SH2D4B: variants seen among roughly 807,000 people sequenced by gnomAD.
SH2D4B encodes SH2 domain containing 4B.
A neutral mutation model predicts 61.5 loss-of-function variants in SH2D4B; 45 were observed. The observed-to-expected ratio is 0.73, with a 90% CI of 0.58 to 0.94. SH2D4B has a LOEUF of 0.94. Ranked by LOEUF, SH2D4B falls within the 40% of genes least tolerant of loss-of-function variation. The probability of loss-of-function intolerance (pLI) is 0.00; values close to 1 mark genes in which losing one functional copy is unlikely to be tolerated. For synonymous variants in SH2D4B, 224 were observed against 220.4 expected, an observed-to-expected ratio of 1.02 and a Z score of -0.14; for missense variants, 572 against 574.2, an observed-to-expected ratio of 1.00 and a Z score of 0.04.
At chr10:80,613,269 AAAC>A (rs1842623745) in intron 6 of SH2D4B, among the ~76,000 whole-genome samples, 1 of 152,240 alleles carries the variant, frequency 6.6e-6, no homozygotes, top group South Asian at 2.1e-4. Flanking sequence ...TAGTTATATC[AAAC>A]TACTTGTGAG....
chr10:80,603,560 G>A lies in SH2D4B; in HGVS notation c.644-19G>A. 1 of 1,522,182 alleles carries A rather than the reference G, an allele frequency of 6.6e-7. No individual in the cohort carries two copies. 94.3% of individuals were successfully genotyped at this position (1,522,182 alleles called of 1,614,324 possible). On this transcript the variant is annotated intron_variant, in intron 4 of 7. Coordinates refer to ENST00000646907, the MANE Select transcript of SH2D4B (RefSeq NM_001388272.1). ...CTGGGCTGCGGATCTGGGCTAACGT[G>A]CTGTCTTCCTCTTTCCAGTGCGCCG...
chr10:80,538,218 C>G lies in SH2D4B; in HGVS notation c.-114C>G, dbSNP rs1302295395. 5 of 893,392 alleles carry G rather than the reference C, an allele frequency of 5.6e-6. No individual in the cohort carries two copies. The East Asian group carries it at 1.0e-4, about 18-fold the overall frequency. 55.3% of individuals were successfully genotyped at this position (893,392 alleles called of 1,614,324 possible). ...ACAATGCTGCACAGAGAAGGGGCAC[C>G]GAGAGTGGCCCCGGATTGAGCAGTC... On this transcript the variant is annotated 5_prime_UTR_variant, in exon 1 of 8. Transcript: ENST00000646907. The surrounding 1 kb of genome is among the most constrained non-coding windows in gnomAD (Gnocchi z 4.8).
At chr10:80,543,505 T>C (rs1841614939) in intron 1 of SH2D4B, among the ~76,000 whole-genome samples, 1 of 152,170 alleles carries the variant, frequency 6.6e-6, no homozygotes, top group African/African-American at 2.4e-5. Flanking sequence ...CCTGCCTCCG[T>C]GGGCTCCTGT....
intron 1 of SH2D4B, among the ~76,000 whole-genome samples, chr10:80,558,894 A>G (rs761707478): frequency 6.6e-6 from 1 of 152,160 alleles, no homozygotes; most frequent in South Asian, 2.1e-4. Flanking sequence ...TTTTGCTGTC[A>G]TATTTAAGAA....
chr10:80,545,740 G>A (rs914083058), intron 1 of SH2D4B, among the ~76,000 whole-genome samples: 6 of 152,168 alleles, frequency 3.9e-5, no homozygotes, highest in Non-Finnish European at 8.8e-5. Flanking sequence ...TTAAATGTGT[G>A]CTGTGACAGA....
At chr10:80,545,331 C>A (rs1229090129) in intron 1 of SH2D4B, among the ~76,000 whole-genome samples, 1 of 151,918 alleles carries the variant, frequency 6.6e-6, no homozygotes, top group Non-Finnish European at 1.5e-5. Context: ...CCTCTTTCTT[C>A]TCCTTCTCTC....
At position 80,629,036 on chromosome 10, in the gene SH2D4B, A is replaced by AAAAAAAAAAAAG. The variant is rs142895629; in HGVS notation, c.989-5244_989-5243insAAAAAAGAAAAA. 9.7e-3 allele frequency among the ~76,000 whole-genome samples: 1,411 copies of AAAAAAAAAAAAG among 144,852 alleles called. 31 individuals are homozygous for AAAAAAAAAAAAG. The highest frequency in any genetic ancestry group is 0.036 in the African/African-American group (1,333 of 37,434). On this transcript the variant is annotated intron_variant, in intron 6 of 7. Transcript: ENST00000646907. ...CAGAGCGAGACTCTATCTCAAAAAAAAAAAAGAAAAAGAAAAAGAAATACC... is the reference window on the plus strand; with the variant it reads ...CAGAGCGAGACTCTATCTCAAAAAAAAAAAAAAAAAAGAAAAAGAAAAAGAAAAAGAAATACC...
At chr10:80,590,540 T>G (rs1423167506) in intron 4 of SH2D4B, among the ~76,000 whole-genome samples, 2 of 152,106 alleles carry the variant, frequency 1.3e-5, no homozygotes, top group African/African-American at 4.8e-5. Flanking sequence ...AGTGACGCGA[T>G]CTGGCAGGGT....
intron 6 of SH2D4B, among the ~76,000 whole-genome samples, chr10:80,631,678 T>A (rs1449183865): frequency 6.6e-6 from 1 of 152,174 alleles, no homozygotes; most frequent in East Asian, 1.9e-4. Flanking sequence ...CTAGAGGACA[T>A]TATGCTAAGT....
intron 6 of SH2D4B, among the ~76,000 whole-genome samples, chr10:80,620,970 A>G (rs1447002166): frequency 6.6e-6 from 1 of 152,252 alleles, no homozygotes; most frequent in Non-Finnish European, 1.5e-5. Flanking sequence ...CATAGATCTT[A>G]TGTTTGCAAA....
intron 7 of SH2D4B, chr10:80,643,011 G>T (rs1840332165): frequency 6.6e-6 from 1 of 152,624 alleles, no homozygotes; most frequent in African/African-American, 2.4e-5. Context: ...TACCACTGAT[G>T]CTGAGGATCT....
Position 80,609,475 on chromosome 10 carries a change from C to T in SH2D4B, c.912C>T (p.Arg304=). The change falls in exon 6 of 8, where the codon CGC becomes CGT. Residue 304 remains arginine, a synonymous_variant. Transcript: ENST00000646907. ...CAGTCTCCAGAGATGTCATCGTCCG[C>T]TGGTTTAAGGAGGAGCAGCTGCCTC... ...LRPVSRDVIV[R]WFKEEQLPRR... 1 of 1,614,226 alleles carries T rather than the reference C, an allele frequency of 6.2e-7. No homozygotes were observed. Among genetic ancestry groups the T allele is most frequent in the East Asian group, 2.2e-5 (1 of 44,880 alleles).
In SH2D4B at chr10:80,570,187, G is replaced by A; in HGVS notation, c.218G>A (p.Gly73Glu). Residue 73 changes from glycine to glutamate, a missense_variant, in exon 2 of 8, where the codon GGG (glycine) becomes GAG (glutamate). Physicochemically the swap from Gly to Glu is moderately conservative, Grantham distance 98. Coordinates refer to ENST00000646907, the MANE Select transcript of SH2D4B (RefSeq NM_001388272.1). The part of the protein sequence containing the change: ...ASDKHIQWLL[G>E]ADGEVWVWIM... ...GACAAGCACATCCAATGGCTCCTAGGGGCAGATGGCGAGGTCTGGGTCTGG... is the reference window on the plus strand; with the variant it reads ...GACAAGCACATCCAATGGCTCCTAGAGGCAGATGGCGAGGTCTGGGTCTGG... 2 of 1,614,148 alleles carry A rather than the reference G, an allele frequency of 1.2e-6. No individual in the cohort carries two copies. The highest frequency in any genetic ancestry group is 8.5e-7 in the Non-Finnish European group (1 of 1,180,020).
At chr10:80,595,823 A>T (rs1842379021) in intron 4 of SH2D4B, among the ~76,000 whole-genome samples, 1 of 152,126 alleles carries the variant, frequency 6.6e-6, no homozygotes, top group Non-Finnish European at 1.5e-5. Flanking sequence ...TAGTCCTATC[A>T]TTGGTTTATG....
intron 1 of SH2D4B, among the ~76,000 whole-genome samples, chr10:80,562,028 TACACACACACACACAC>T (rs150356380): frequency 1.0e-4 from 15 of 144,412 alleles, no homozygotes; most frequent in Non-Finnish European, 1.8e-4. Context: ...CTCTTCCAAT[TACACACACACACACAC>T]ACACACACAC....
At chr10:80,566,565 G>T (rs1032437649) in intron 1 of SH2D4B, among the ~76,000 whole-genome samples, 2 of 152,038 alleles carry the variant, frequency 1.3e-5, no homozygotes, top group African/African-American at 4.8e-5. Context: ...CAAAGCGCTG[G>T]GATTACATGC....
intron 6 of SH2D4B, among the ~76,000 whole-genome samples, chr10:80,626,517 C>G (rs1842768658): frequency 6.6e-6 from 1 of 152,180 alleles, no homozygotes. Flanking sequence ...GACTCGGATT[C>G]TATATATGTT....
chr10:80,635,760 T>A (rs962256164), intron 7 of SH2D4B, among the ~76,000 whole-genome samples: 1 of 152,174 alleles, frequency 6.6e-6, no homozygotes, highest in African/African-American at 2.4e-5. Context: ...ATCTTACCAA[T>A]AGATCTGTGA....
In SH2D4B at chr10:80,570,182, C is replaced by T; in HGVS notation, c.213C>T (p.Leu71=). 1 of 1,614,130 alleles carries T rather than the reference C, an allele frequency of 6.2e-7. No homozygotes were observed. Residue 71 remains leucine (L), a synonymous_variant, in exon 2 of 8, where the codon CTC becomes CTT. Transcript: ENST00000646907. The stretch of plus-strand genomic sequence containing the variant: ...CGAGTGACAAGCACATCCAATGGCT[C>T]CTAGGGGCAGATGGCGAGGTCTGGG... ...RAASDKHIQW[L]LGADGEVWVW...
Sources: allele counts gnomAD v4.1 joint callset (sites outside exome capture counted in the v4.1 genomes callset), GRCh38; gene constraint gnomAD v4.1.1; non-coding constraint Gnocchi (gnomAD v3.1); transcripts MANE v1.5; gene names NCBI Gene and HGNC (gene_info 2026-07-23, HGNC 2026-07-21).